The following RTL4 variants were observed in gnomAD, a reference collection of about 807,000 sequenced individuals.
RTL4 encodes retrotransposon Gag-like protein 4.
RTL4 carries 4 observed loss-of-function variants against 5.3 expected under a neutral mutation model. The ratio of observed to expected loss-of-function variants is 0.75; its 90% CI spans 0.37 to 1.72. RTL4 has a LOEUF of 1.72. RTL4 is among the 40% of genes most tolerant of loss of function. The probability of loss-of-function intolerance (pLI) is 0.04; values close to 1 mark genes in which losing one functional copy is unlikely to be tolerated. For synonymous variants in RTL4, 98 were observed against 87.3 expected (o/e 1.12, Z -0.68); for missense variants, 260 against 227.1 (o/e 1.14, Z -0.93).
the RTL4 span, among the ~76,000 whole-genome samples, chrX:112,282,239 C>T: frequency 2.7e-5 from 3 of 112,107 alleles, no homozygotes; most frequent in Non-Finnish European, 5.7e-5. Context: ...ATTGGAGAGA[C>T]TGACCTTTTT....
At chrX:112,432,913 G>A in the RTL4 span, among the ~76,000 whole-genome samples, 1 of 111,922 alleles carries the variant, frequency 8.9e-6, no homozygotes, top group South Asian at 3.7e-4. Context: ...TTTGTATAAG[G>A]TGTAAGGAAG....
At chrX:112,230,515 C>T in the RTL4 span, among the ~76,000 whole-genome samples, 1,871 of 112,139 alleles carry the variant, frequency 0.017, 27 homozygotes, top group African/African-American at 0.058. Flanking sequence ...GGCTCATGCA[C>T]GGTGCACTGC....
chrX:112,386,688 G>A, the RTL4 span, among the ~76,000 whole-genome samples: 20,761 of 111,077 alleles, frequency 0.19, 1,484 homozygotes, highest in Admixed American at 0.3. Flanking sequence ...CCATTAATTC[G>A]TTCCTTTTTA....
At chrX:112,403,737 A>G in the RTL4 span, among the ~76,000 whole-genome samples, 19 of 112,010 alleles carry the variant, frequency 1.7e-4, no homozygotes, top group South Asian at 3.8e-3. Context: ...TGGTTTTATC[A>G]CCTGGCTCTT....
the RTL4 span, among the ~76,000 whole-genome samples, chrX:112,401,955 G>A: frequency 1.8e-5 from 2 of 111,563 alleles, no homozygotes; most frequent in South Asian, 3.8e-4. Flanking sequence ...ACTCACCTAC[G>A]TGAATATTCA....
the RTL4 span, among the ~76,000 whole-genome samples, chrX:112,327,763 C>A: frequency 1.8e-5 from 2 of 111,224 alleles, no homozygotes; most frequent in Admixed American, 1.9e-4. Flanking sequence ...AGAGAAAGGT[C>A]GGGTTAACCT....
At chrX:112,328,934 A>G in the RTL4 span, among the ~76,000 whole-genome samples, 114 of 111,905 alleles carry the variant, frequency 1.0e-3, no homozygotes, top group South Asian at 8.1e-3. Flanking sequence ...AATGAAGGCA[A>G]AAATAAAGAT....
the RTL4 span, among the ~76,000 whole-genome samples, chrX:112,103,300 T>C: frequency 4.1e-3 from 455 of 109,911 alleles, 1 homozygote; most frequent in Middle Eastern, 9.4e-3. Context: ...GCCATTATCC[T>C]CAGCAAACTG....
At chrX:112,189,894 A>C in the RTL4 span, among the ~76,000 whole-genome samples, 3 of 112,009 alleles carry the variant, frequency 2.7e-5, no homozygotes, top group East Asian at 5.6e-4. Context: ...CCCAAATAAC[A>C]ACAACAACAA....
chrX:112,097,166 T>C, the RTL4 span, among the ~76,000 whole-genome samples: 1 of 111,907 alleles, frequency 8.9e-6, no homozygotes, highest in African/African-American at 3.2e-5. Context: ...TACTGGGATA[T>C]ATTAGTGAAC....
At chrX:112,344,555 A>G in the RTL4 span, among the ~76,000 whole-genome samples, 1 of 111,167 alleles carries the variant, frequency 9.0e-6, no homozygotes, top group South Asian at 3.8e-4. Context: ...GAACTTACTC[A>G]CTGTCATGAG....
chrX:112,104,169 G>T, the RTL4 span, among the ~76,000 whole-genome samples: 153 of 111,811 alleles, frequency 1.4e-3, no homozygotes, highest in Middle Eastern at 4.6e-3. Context: ...TCTGTGCCTA[G>T]CTTATTTTAT....
the RTL4 span, among the ~76,000 whole-genome samples, chrX:112,310,369 C>CATAT: frequency 0.014 from 62 of 4,347 alleles, 1 homozygote; most frequent in Admixed American, 0.027. Context: ...CACCTTTATA[C>CATAT]ATATATATAT....
the RTL4 span, among the ~76,000 whole-genome samples, chrX:112,295,754 A>G: frequency 1.8e-5 from 2 of 112,465 alleles, no homozygotes; most frequent in Non-Finnish European, 3.7e-5. Flanking sequence ...TTCATCATCT[A>G]TAACTCCAAT....
At chrX:112,303,687 G>A in the RTL4 span, among the ~76,000 whole-genome samples, 10 of 96,979 alleles carry the variant, frequency 1.0e-4, no homozygotes, top group African/African-American at 3.6e-4. Context: ...CAGCACACCA[G>A]CATGGCACAT....
the RTL4 span, among the ~76,000 whole-genome samples, chrX:112,434,273 T>C: frequency 9.2e-6 from 1 of 108,998 alleles, no homozygotes; most frequent in Non-Finnish European, 1.9e-5. Context: ...GGATTCCCTC[T>C]TTTTCTATTG....
At chrX:112,209,896 G>C in the RTL4 span, among the ~76,000 whole-genome samples, 1 of 111,773 alleles carries the variant, frequency 8.9e-6, no homozygotes, top group Non-Finnish European at 1.9e-5. Flanking sequence ...GAAGATGGCA[G>C]GGCCTTGCTC....
At chrX:112,210,321 A>C in the RTL4 span, among the ~76,000 whole-genome samples, 1 of 112,169 alleles carries the variant, frequency 8.9e-6, no homozygotes, top group Non-Finnish European at 1.9e-5. Context: ...TTATGGGGCA[A>C]GTTATTTACC....
the RTL4 span, among the ~76,000 whole-genome samples, chrX:112,194,787 T>C: frequency 8.9e-6 from 1 of 112,056 alleles, no homozygotes; most frequent in Middle Eastern, 4.6e-3. Flanking sequence ...TTATATAATG[T>C]TGTGAACACC....
Sources: gnomAD v4.1 joint callset for allele counts (sites outside exome capture counted in the v4.1 genomes callset) on GRCh38, gnomAD v4.1.1 for gene constraint, MANE v1.5 for transcripts, NCBI Gene and HGNC (gene_info 2026-07-23, HGNC 2026-07-21) for gene names.